Variants in PDLIM5 observed in about 807,000 individuals in gnomAD.
PDLIM5 encodes PDZ and LIM domain 5.
A neutral mutation model predicts 64.2 loss-of-function variants in PDLIM5; 34 were observed. The observed-to-expected ratio is 0.53, with a 90% CI of 0.40 to 0.71. PDLIM5 has a LOEUF of 0.71. Among genes scored for constraint, PDLIM5 ranks in the 30% least tolerant of loss-of-function variants. The probability of loss-of-function intolerance (pLI) is 0.00; values close to 1 mark genes in which losing one functional copy is unlikely to be tolerated. For synonymous variants in PDLIM5, 253 were observed against 269.1 expected (o/e 0.94, Z 0.59); for missense variants, 683 against 733.6 (o/e 0.93, Z 0.80).
At chr4:94,467,211 A>G (rs569219072) in intron 2 of PDLIM5, among the ~76,000 whole-genome samples, 1 of 152,356 alleles carries the variant, frequency 6.6e-6, no homozygotes, top group African/African-American at 2.4e-5. Context: ...ACTATTAATG[A>G]TCACAGTGGT....
Position 94,482,070 on chromosome 4 carries a change from A to G in PDLIM5, c.96+26686A>G, listed in dbSNP as rs1481876945. Among the ~76,000 whole-genome samples the G allele has an allele frequency of 3.3e-5, 5 of 150,174 alleles. No homozygotes were observed. The East Asian group carries it at 7.8e-4, about 23-fold the overall frequency. ...TCTACTTCCTTAATAGGGTACTTCT[A>G]TTTTTAATCATCTGTGAAGTAGCCA... On this transcript the variant is annotated intron_variant, in intron 2 of 12. Transcript: ENST00000317968.
chr4:94,588,529 T>C (rs1736424942), intron 7 of PDLIM5, among the ~76,000 whole-genome samples: 1 of 151,742 alleles, frequency 6.6e-6, no homozygotes, highest in Non-Finnish European at 1.5e-5. Flanking sequence ...CACCATTGCA[T>C]TCCAGCCTGG....
At chr4:94,542,277 A>G (rs1011577620) in intron 3 of PDLIM5, among the ~76,000 whole-genome samples, 12 of 149,722 alleles carry the variant, frequency 8.0e-5, no homozygotes, top group African/African-American at 3.0e-4. Flanking sequence ...ATGCCATTGC[A>G]CTCCAGCCTG....
chr4:94,460,742 GATAGATA>G (rs1241509289), intron 2 of PDLIM5, among the ~76,000 whole-genome samples: 3 of 152,100 alleles, frequency 2.0e-5, no homozygotes, highest in African/African-American at 7.2e-5. Context: ...ACTAAGAATA[GATAGATA>G]ATAGATAATG....
chr4:94,482,374 T>C (rs1309555710), intron 2 of PDLIM5, among the ~76,000 whole-genome samples: 1 of 152,162 alleles, frequency 6.6e-6, no homozygotes, highest in Non-Finnish European at 1.5e-5. Flanking sequence ...GATTAACTAA[T>C]AAATATCTCT....
intron 2 of PDLIM5, among the ~76,000 whole-genome samples, chr4:94,457,867 A>G (rs140223473): frequency 8.9e-4 from 136 of 152,346 alleles, no homozygotes; most frequent in African/African-American, 3.0e-3. Flanking sequence ...AAAAGAGACT[A>G]TGGTAACAAA....
At chr4:94,653,127 G>A (rs1442595060) in intron 9 of PDLIM5, among the ~76,000 whole-genome samples, 1 of 152,008 alleles carries the variant, frequency 6.6e-6, no homozygotes, top group Non-Finnish European at 1.5e-5. Context: ...GGTCGCTTAG[G>A]GATGATAAGT....
intron 8 of PDLIM5, among the ~76,000 whole-genome samples, chr4:94,639,226 A>G (rs1214162812): frequency 1.3e-5 from 2 of 152,184 alleles, no homozygotes; most frequent in Non-Finnish European, 2.9e-5. Flanking sequence ...ATAAAGTGAA[A>G]GGCAAAGAGC....
chr4:94,532,705 A>G (rs1730997641), intron 3 of PDLIM5, among the ~76,000 whole-genome samples: 1 of 152,162 alleles, frequency 6.6e-6, no homozygotes, highest in African/African-American at 2.4e-5. Flanking sequence ...TTGGCCTCCA[A>G]CAGTTTTAGG....
rs769377460 is a variant in PDLIM5 at position 94,536,125 on chromosome 4, C to T, written c.248+12250C>T. ...AGGTATAGCTTTATATGAGTTGGGA[C>T]GCACAGACCAAAAATATTTTAAGCC... On this transcript the variant is annotated intron_variant, in intron 3 of 12. Coordinates refer to ENST00000317968, the MANE Select transcript of PDLIM5 (RefSeq NM_006457.5). Among the ~76,000 whole-genome samples, 135 of 152,056 alleles carry T rather than the reference C, an allele frequency of 8.9e-4. 4 individuals carry two copies. Among genetic ancestry groups the T allele is most frequent in the South Asian group, 8.3e-4 (4 of 4,818 alleles).
At chr4:94,650,786 A>G (rs2110481529) in intron 9 of PDLIM5, among the ~76,000 whole-genome samples, 1 of 152,088 alleles carries the variant, frequency 6.6e-6, no homozygotes, top group African/African-American at 2.4e-5. Flanking sequence ...CTTCCTTGGC[A>G]TCCTTCCCTA....
chr4:94,539,341 C>G (rs1352906358), intron 3 of PDLIM5, among the ~76,000 whole-genome samples: 1 of 152,012 alleles, frequency 6.6e-6, no homozygotes, highest in Non-Finnish European at 1.5e-5. Flanking sequence ...GTGCTTTAGG[C>G]TGAACTTGTC....
At chr4:94,532,216 T>TA (rs1730940511) in intron 3 of PDLIM5, among the ~76,000 whole-genome samples, 1 of 152,178 alleles carries the variant, frequency 6.6e-6, no homozygotes, top group Non-Finnish European at 1.5e-5. Context: ...TTACTACTGT[T>TA]ACTACTTGAG....
chr4:94,472,793 C>T (rs961389558), intron 2 of PDLIM5, among the ~76,000 whole-genome samples: 3 of 152,122 alleles, frequency 2.0e-5, no homozygotes, highest in African/African-American at 7.2e-5. Flanking sequence ...CAAATCTGAA[C>T]TTCAGTCATA....
chr4:94,585,252 A>G (rs1019702246), intron 5 of PDLIM5, among the ~76,000 whole-genome samples: 2 of 151,962 alleles, frequency 1.3e-5, no homozygotes, highest in African/African-American at 2.4e-5. Context: ...CACCATTCCC[A>G]GCTAATTTTT....
intron 7 of PDLIM5, chr4:94,587,255 G>C: frequency 1.5e-6 from 2 of 1,367,044 alleles, no homozygotes; most frequent in Non-Finnish European, 1.9e-6. Flanking sequence ...CATGTTTTGT[G>C]CTAGTTGGTA....
At position 94,576,378 on chromosome 4, in the gene PDLIM5, G is replaced by A. The variant is rs1484955873; in HGVS notation, c.710+344G>A. ...TCAATTTTTTCATTCTTTTAAATAG[G>A]CCACCAAAAGTTCAAACAGTGGTTA... is the stretch of plus-strand genomic sequence containing the variant. On this transcript the variant is annotated intron_variant, in intron 5 of 12. Transcript: ENST00000317968. Among the ~76,000 whole-genome samples the A allele has an allele frequency of 3.9e-5, 6 of 152,018 alleles. No individual in the cohort carries two copies. The South Asian group carries it at 8.3e-4, about 21-fold the overall frequency.
intron 8 of PDLIM5, among the ~76,000 whole-genome samples, chr4:94,636,241 T>A (rs1314536281): frequency 6.6e-6 from 1 of 152,184 alleles, no homozygotes; most frequent in Admixed American, 6.5e-5. Flanking sequence ...CTCAGTACTT[T>A]AGAGCTTATG....
rs563206937 is a variant in PDLIM5, at chr4:94,655,232, G to C, written c.1464+592G>C. Among the ~76,000 whole-genome samples the C allele has an allele frequency of 3.9e-5, 6 of 152,084 alleles. No individual in the cohort carries two copies. In the South Asian group the frequency reaches 1.2e-3, roughly 32 times the overall value. On this transcript the variant is annotated intron_variant, in intron 10 of 12. Transcript: ENST00000317968. ...TTTTGCAAAAAAAGGAGTAATTTAG[G>C]AATCAGATACAGTACATAATAAATA...
Sources: allele counts gnomAD v4.1 joint callset (sites outside exome capture counted in the v4.1 genomes callset), GRCh38; gene constraint gnomAD v4.1.1; transcripts MANE v1.5; gene names NCBI Gene and HGNC (gene_info 2026-07-23, HGNC 2026-07-21).